AP1B1: variants seen among roughly 807,000 people sequenced by gnomAD.
AP1B1 encodes the protein adaptor related protein complex 1 subunit beta 1.
In AP1B1, 36 loss-of-function variants were observed where a neutral mutation model predicts 104.3. That is an observed-to-expected ratio of 0.35 (90% CI 0.26 to 0.46). AP1B1 has a LOEUF of 0.46. Among genes scored for constraint, AP1B1 ranks in the 20% least tolerant of loss-of-function variants. The probability of loss-of-function intolerance (pLI) is 1.00; values close to 1 mark genes in which losing one functional copy is unlikely to be tolerated. For missense variants in AP1B1, 901 were observed against 1,247.9 expected (o/e 0.72, Z 4.19); for synonymous variants, 504 against 517.5 (o/e 0.97, Z 0.35).
At chr22:29,347,758 G>C (rs1012176624) in intron 11 of AP1B1, among the ~76,000 whole-genome samples, 12 of 152,244 alleles carry the variant, frequency 7.9e-5, no homozygotes, top group African/African-American at 2.9e-4. Context: ...CAGCATCTGA[G>C]ATAGGAGTCT....
intron 1 of AP1B1, among the ~76,000 whole-genome samples, chr22:29,374,219 T>A (rs944147626): frequency 1.3e-5 from 2 of 151,860 alleles, no homozygotes; most frequent in Non-Finnish European, 2.9e-5. Context: ...ATTTTGTTTT[T>A]AAAAAAATAA....
rs2061512733 is a variant in AP1B1, at chr22:29,328,760, G to T, written c.*61C>A. The stretch of plus-strand genomic sequence containing the variant: ...CCTCCTGCGAGGAGGAAGATGTGCT[G>T]CCCCCGAGGGGCCTCCTCGATGGGG... On this transcript the variant is annotated 3_prime_UTR_variant, in exon 23 of 23. Coordinates refer to ENST00000357586, the MANE Select transcript of AP1B1 (RefSeq NM_001127.4). The surrounding 1 kb of genome is among the most constrained non-coding windows in gnomAD (Gnocchi z 4.1). 2 of 1,557,804 alleles carry T rather than the reference G, an allele frequency of 1.3e-6. No homozygotes were observed. Among genetic ancestry groups the T allele is most frequent in the Non-Finnish European group, 8.7e-7 (1 of 1,153,032 alleles).
intron 11 of AP1B1, among the ~76,000 whole-genome samples, chr22:29,344,290 C>T (rs1438926621): frequency 6.6e-6 from 1 of 152,030 alleles, no homozygotes; most frequent in Non-Finnish European, 1.5e-5. Context: ...TGGTTCCAGT[C>T]AGGTATGCCT....
chr22:29,332,177 T>G, intron 17 of AP1B1: 2 of 381,116 alleles, frequency 5.2e-6, no homozygotes. Context: ...CCCAGCTCTG[T>G]TCCTCTCCTC....
intron 10 of AP1B1, 69 bp downstream of exon 10, chr22:29,349,966 T>C: frequency 1.6e-6 from 2 of 1,235,136 alleles, no homozygotes; most frequent in African/African-American, 3.0e-5. Flanking sequence ...TCCTCCTTCC[T>C]TTTCTGCCCC....
At chr22:29,333,724 G>A (rs916083529) in intron 17 of AP1B1, among the ~76,000 whole-genome samples, 7 of 152,122 alleles carry the variant, frequency 4.6e-5, no homozygotes, top group African/African-American at 1.7e-4. Context: ...TTCCCACTCT[G>A]CCTGGTACTT....
Position 29,329,732 on chromosome 22 carries a change from G to A in AP1B1, c.2767-12C>T. ...CTAACCTCTAAGTCCTGCACCACGGGAACCAGCAGGGAAGGTGACATGCAG... is the reference window on the plus strand; with the variant it reads ...CTAACCTCTAAGTCCTGCACCACGGAAACCAGCAGGGAAGGTGACATGCAG... On this transcript the variant is annotated splice_polypyrimidine_tract_variant and intron_variant, in intron 21 of 22. Coordinates refer to ENST00000357586, the MANE Select transcript of AP1B1 (RefSeq NM_001127.4). 1.2e-6 allele frequency: 2 copies of A among 1,613,586 alleles called. No individual in the cohort carries two copies. The highest frequency in any genetic ancestry group is 1.1e-5 in the South Asian group (1 of 91,034).
At chr22:29,353,981 G>A (rs1290090292) in intron 7 of AP1B1, among the ~76,000 whole-genome samples, 1 of 152,126 alleles carries the variant, frequency 6.6e-6, no homozygotes, top group African/African-American at 2.4e-5. Flanking sequence ...GAACCCCTCC[G>A]ATCCAGCACT....
In AP1B1 at chr22:29,341,614, G is replaced by T. The variant is rs560553452; in HGVS notation, c.1683C>A (p.Asp561Glu). The T allele has an allele frequency of 1.9e-6, 3 of 1,614,236 alleles. No homozygotes were observed. Among genetic ancestry groups the T allele is most frequent in the South Asian group, 1.1e-5 (1 of 91,082 alleles). ...ETDLIEPTLLDELICYIGTLA... is the reference protein window; with the variant it reads ...ETDLIEPTLLEELICYIGTLA... ...GCGTGCCGATGTAGCAGATAAGCTC[G>T]TCTAACAGTGTGGGCTCGATGAGGT... Residue 561 changes from aspartate (D) to glutamate (E), a missense_variant, in exon 13 of 23, where the codon GAC becomes GAA. Physicochemically the swap from Asp to Glu is conservative, Grantham distance 45 (BLOSUM62 2). This residue lies in a region of AP1B1 where 471 missense variants were observed against 696.7 expected (regional missense o/e 0.68). Transcript: ENST00000357586.
chr22:29,378,552 C>CA (rs145933767), intron 1 of AP1B1, among the ~76,000 whole-genome samples: 2,524 of 47,822 alleles, frequency 0.053, 67 homozygotes, highest in Non-Finnish European at 0.065. Flanking sequence ...AACTCCGTAT[C>CA]AAAAAAAAAA....
chr22:29,337,282 C>A (rs900311379), intron 16 of AP1B1, among the ~76,000 whole-genome samples: 5 of 152,188 alleles, frequency 3.3e-5, no homozygotes, highest in Non-Finnish European at 5.9e-5. Context: ...GGAAGAGCCA[C>A]AAAGGGCTGC....
At chr22:29,342,171 A>C in intron 12 of AP1B1, 114 bp downstream of exon 12, 1 of 852,724 alleles carries the variant, frequency 1.2e-6, no homozygotes, top group Non-Finnish European at 1.8e-6. Flanking sequence ...AGTCCCACCC[A>C]CAAGATACCT....
chr22:29,332,259 C>T (rs1057101807), intron 17 of AP1B1: 4 of 219,540 alleles, frequency 1.8e-5, no homozygotes, highest in African/African-American at 9.1e-5. Context: ...CTGTCTAATG[C>T]CAGGGGCCTG....
chr22:29,345,732 TGGA>T lies in AP1B1; in HGVS notation c.1438-3352_1438-3350del, dbSNP rs2061783409. Among the ~76,000 whole-genome samples, 3 of 152,354 alleles carry T rather than the reference TGGA, an allele frequency of 2.0e-5. No homozygotes were observed. In the South Asian group the frequency reaches 6.2e-4, roughly 32 times the overall value. On this transcript the variant is annotated intron_variant, in intron 11 of 22. Transcript: ENST00000357586. ...TGGAGTCTTGGTCTGTTGCCCAGGC[TGGA>T]GTGCAGTTGTGCGATCTCGGCTTAC...
chr22:29,349,148 T>C, intron 11 of AP1B1, 70 bp downstream of exon 11: 8 of 1,568,584 alleles, frequency 5.1e-6, no homozygotes, highest in African/African-American at 1.3e-5. Context: ...GAGGGTTTCA[T>C]GGCAGTATGG....
At chr22:29,375,545 G>C (rs1005745282) in intron 1 of AP1B1, among the ~76,000 whole-genome samples, 1 of 151,930 alleles carries the variant, frequency 6.6e-6, no homozygotes, top group African/African-American at 2.4e-5. Context: ...AAAACCAAGG[G>C]CCCAAAACAG....
chr22:29,386,685 T>C (rs1276278304), intron 1 of AP1B1, among the ~76,000 whole-genome samples: 6 of 152,226 alleles, frequency 3.9e-5, no homozygotes, highest in African/African-American at 1.4e-4. Flanking sequence ...AATATTTATA[T>C]ACAGCTTTCT....
intron 1 of AP1B1, among the ~76,000 whole-genome samples, chr22:29,377,863 T>C (rs955263937): frequency 6.6e-6 from 1 of 151,636 alleles, no homozygotes; most frequent in African/African-American, 2.4e-5. Context: ...GGTTTTAATA[T>C]TATCACAAGT....
intron 19 of AP1B1, among the ~76,000 whole-genome samples, 173 bp downstream of exon 19, chr22:29,331,276 C>T (rs1317912557): frequency 1.3e-5 from 2 of 152,008 alleles, no homozygotes; most frequent in Non-Finnish European, 2.9e-5. Context: ...CCACTAAGGC[C>T]GGGGGGGTCC....
Sources: allele counts gnomAD v4.1 joint callset (sites outside exome capture counted in the v4.1 genomes callset), GRCh38; gene constraint gnomAD v4.1.1; regional missense constraint gnomAD v4.1.1; non-coding constraint Gnocchi (gnomAD v3.1); transcripts MANE v1.5; gene names NCBI Gene and HGNC (gene_info 2026-07-23, HGNC 2026-07-21).